The following KHDRBS2 variants were observed in gnomAD, a reference collection of about 807,000 sequenced individuals.
KHDRBS2 encodes the protein KH domain-containing, RNA-binding, signal transduction-associated protein 2.
A neutral mutation model predicts 44.3 loss-of-function variants in KHDRBS2; 26 were observed. The observed-to-expected ratio is 0.59, with a 90% CI of 0.43 to 0.81. The LOEUF is 0.81. Among genes scored for constraint, KHDRBS2 ranks in the 40% least tolerant of loss-of-function variants. KHDRBS2 has a pLI of 0.00. For missense variants in KHDRBS2, 476 were observed against 433.1 expected, an observed-to-expected ratio of 1.10 and a Z score of -0.88; for synonymous variants, 194 against 151.1, an observed-to-expected ratio of 1.28 and a Z score of -2.08.
intron 6 of KHDRBS2, among the ~76,000 whole-genome samples, chr6:61,758,737 T>C (rs911033446): frequency 6.6e-6 from 1 of 152,090 alleles, no homozygotes; most frequent in Non-Finnish European, 1.5e-5. Flanking sequence ...CAACCTATGG[T>C]TTGGTTTTCA....
chr6:61,712,909 C>T (rs1267789866), intron 7 of KHDRBS2, among the ~76,000 whole-genome samples: 1 of 151,592 alleles, frequency 6.6e-6, no homozygotes, highest in East Asian at 1.9e-4. Context: ...ATTATTTATC[C>T]TCAAATTCCA....
At chr6:61,693,071 G>C (rs527910020) in intron 8 of KHDRBS2, among the ~76,000 whole-genome samples, 9 of 151,884 alleles carry the variant, frequency 5.9e-5, no homozygotes, top group Admixed American at 3.9e-4. Flanking sequence ...TTATATTTTG[G>C]AATAACTATT....
At chr6:62,013,329 T>C (rs1780641947) in intron 3 of KHDRBS2, among the ~76,000 whole-genome samples, 1 of 152,092 alleles carries the variant, frequency 6.6e-6, no homozygotes, top group Non-Finnish European at 1.5e-5. Flanking sequence ...TTTGAGTCCA[T>C]TTGAAAAATA....
chr6:62,075,115 A>G (rs190736405), intron 2 of KHDRBS2, among the ~76,000 whole-genome samples: 94 of 152,006 alleles, frequency 6.2e-4, no homozygotes, highest in African/African-American at 2.2e-3. Flanking sequence ...TTTAACTCTT[A>G]TGCTATGGTC....
the KHDRBS2 span, among the ~76,000 whole-genome samples, chr6:61,568,788 A>T: frequency 6.6e-6 from 1 of 152,212 alleles, no homozygotes; most frequent in Non-Finnish European, 1.5e-5. Context: ...CAGGGAAGCC[A>T]TCCCTGACTA....
chr6:61,585,825 C>A, the KHDRBS2 span, among the ~76,000 whole-genome samples: 1 of 152,152 alleles, frequency 6.6e-6, no homozygotes. Flanking sequence ...TGGTATAATT[C>A]AATTTCTCTG....
chr6:61,650,602 T>G, the KHDRBS2 span, among the ~76,000 whole-genome samples: 1 of 71,936 alleles, frequency 1.4e-5, no homozygotes, highest in Non-Finnish European at 3.5e-5. Context: ...ATGAAAAACT[T>G]AATGCCTTTT....
chr6:61,860,755 G>A (rs1562320194), intron 6 of KHDRBS2, among the ~76,000 whole-genome samples: 3 of 151,884 alleles, frequency 2.0e-5, no homozygotes, highest in Admixed American at 1.3e-4. Context: ...TTGCTGGGTC[G>A]AATGGTATTT....
chr6:61,973,488 C>T (rs1040723804), intron 4 of KHDRBS2, among the ~76,000 whole-genome samples: 1 of 152,092 alleles, frequency 6.6e-6, no homozygotes, highest in African/African-American at 2.4e-5. Context: ...GGTAGGTTTC[C>T]CAGATGTGTT....
At chr6:62,075,193 T>C (rs1025695659) in intron 2 of KHDRBS2, among the ~76,000 whole-genome samples, 3 of 151,826 alleles carry the variant, frequency 2.0e-5, no homozygotes, top group African/African-American at 7.2e-5. Context: ...TATTAAGAAG[T>C]GAGGCCTTTG....
intron 6 of KHDRBS2, among the ~76,000 whole-genome samples, chr6:61,851,208 TAC>T (rs1234694798): frequency 5.9e-5 from 9 of 151,962 alleles, no homozygotes; most frequent in African/African-American, 1.5e-4. Flanking sequence ...AATATATATA[TAC>T]ACACACACAT....
At chr6:61,782,689 G>GTGTATATATATATATA (rs1189465280) in intron 6 of KHDRBS2, among the ~76,000 whole-genome samples, 1 of 111,122 alleles carries the variant, frequency 9.0e-6, no homozygotes, top group South Asian at 3.1e-4. Context: ...TAAAGGTTGT[G>GTGTATATATATATATA]TATATATATA....
chr6:62,047,959 T>C lies in KHDRBS2; in HGVS notation c.255A>G (p.Gly85=), dbSNP rs769456247. 1.2e-6 allele frequency: 2 copies of C among 1,611,154 alleles called. No individual in the cohort carries two copies. The highest frequency in any genetic ancestry group is 1.7e-6 in the Non-Finnish European group (2 of 1,177,690). The change falls in exon 3 of 9, where the codon GGA becomes GGG. Residue 85 remains glycine (G), a synonymous_variant. Transcript: ENST00000281156. ...CTTCCTGTAGCCTCTTCAAGGAGTT[T>C]CCTCTTGGTCCAAGCAATTTCCCCA... ...NFVGKLLGPR[G]NSLKRLQEET...
the KHDRBS2 span, among the ~76,000 whole-genome samples, chr6:61,543,509 A>G: frequency 6.6e-6 from 1 of 152,088 alleles, no homozygotes; most frequent in African/African-American, 2.4e-5. Flanking sequence ...AATATTAATT[A>G]GTACAACCAC....
At chr6:62,203,549 G>A (rs1188616344) in intron 1 of KHDRBS2, among the ~76,000 whole-genome samples, 3 of 152,148 alleles carry the variant, frequency 2.0e-5, no homozygotes, top group South Asian at 2.1e-4. Context: ...TGCATCTTGT[G>A]GGTGGGGGAA....
rs191614386 is a variant in KHDRBS2 at position 62,031,339 on chromosome 6, C to A, written c.336+16539G>T. On this transcript the variant is annotated intron_variant, in intron 3 of 8. Coordinates refer to ENST00000281156, the MANE Select transcript of KHDRBS2 (RefSeq NM_152688.4). ...CTCAGTACATTCCCAGTTGTGGCAG[C>A]TATGGGGCAATTCTTCCACTTAAAA... Among the ~76,000 whole-genome samples, 30 of 152,148 alleles carry A rather than the reference C, an allele frequency of 2.0e-4. No homozygotes were observed. The East Asian group carries it at 5.2e-3, about 27-fold the overall frequency.
chr6:62,224,209 T>C (rs1257422602), intron 1 of KHDRBS2, among the ~76,000 whole-genome samples: 1 of 152,088 alleles, frequency 6.6e-6, no homozygotes, highest in Non-Finnish European at 1.5e-5. Flanking sequence ...ATGAGAGAGA[T>C]GCAACCCCTC....
chr6:62,234,750 G>C (rs1008820734), intron 1 of KHDRBS2, among the ~76,000 whole-genome samples: 1 of 151,966 alleles, frequency 6.6e-6, no homozygotes, highest in Non-Finnish European at 1.5e-5. Flanking sequence ...TACTTGAAAA[G>C]AAATCATCCA....
chr6:62,012,486 A>T (rs917463772), intron 3 of KHDRBS2, among the ~76,000 whole-genome samples: 2 of 152,188 alleles, frequency 1.3e-5, no homozygotes, highest in Admixed American at 1.3e-4. Context: ...TTTCACTTGG[A>T]GTAAAATCCA....
Sources: allele counts gnomAD v4.1 joint callset (sites outside exome capture counted in the v4.1 genomes callset), GRCh38; gene constraint gnomAD v4.1.1; transcripts MANE v1.5; gene names NCBI Gene and HGNC (gene_info 2026-07-23, HGNC 2026-07-21).